The following FGFR1 variants were observed in gnomAD, a reference collection of about 807,000 sequenced individuals.
The protein encoded by FGFR1 is fibroblast growth factor receptor 1, also known as FGFR1/PLAG1 fusion.
FGFR1 carries 18 observed loss-of-function variants against 93.7 expected under a neutral mutation model. That is an observed-to-expected ratio of 0.19 (90% CI 0.13 to 0.28). FGFR1 has a LOEUF of 0.28. Among genes scored for constraint, FGFR1 ranks in the 10% least tolerant of loss-of-function variants. The probability of loss-of-function intolerance (pLI) is 1.00; values close to 1 mark genes in which losing one functional copy is unlikely to be tolerated. For missense variants in FGFR1, 731 were observed against 1,080.4 expected, an observed-to-expected ratio of 0.68 and a Z score of 4.53; for synonymous variants, 448 against 429.3, an observed-to-expected ratio of 1.04 and a Z score of -0.54.
At chr8:38,422,418 T>C in intron 7 of FGFR1, 1 of 355,560 alleles carries the variant, frequency 2.8e-6, no homozygotes, top group Non-Finnish European at 5.2e-6. Flanking sequence ...TCTCTCTCTT[T>C]TTTAAGAGAT....
intron 16 of FGFR1, 56 bp from the exon 17 acceptor site, chr8:38,414,079 T>A (rs2150526656): frequency 1.9e-6 from 3 of 1,613,806 alleles, no homozygotes; most frequent in Non-Finnish European, 2.5e-6. Context: ...CTCTCTAGTC[T>A]AGCCCCCTGC....
chr8:38,464,486 C>T (rs1835104417), intron 1 of FGFR1, among the ~76,000 whole-genome samples: 1 of 152,068 alleles, frequency 6.6e-6, no homozygotes, highest in African/African-American at 2.4e-5. Context: ...AACATGGTTT[C>T]TTTCATTGCA....
In FGFR1 at chr8:38,417,623, A is replaced by T. The variant is rs931477820; in HGVS notation, c.1553-207T>A. On this transcript the variant is annotated intron_variant, in intron 11 of 17. Coordinates refer to ENST00000447712, the MANE Select transcript of FGFR1 (RefSeq NM_023110.3). ...GAGTGGGCAGGGATGTGGTGAGGAA[A>T]GCCTGCAAGCGATGGATCCAGGATA... 1.5e-5 allele frequency: 11 copies of T among 715,090 alleles called. No individual in the cohort carries two copies. The East Asian group carries it at 1.9e-4, about 12-fold the overall frequency. 44.3% of individuals were successfully genotyped at this position (715,090 alleles called of 1,614,324 possible). A position where few individuals can be genotyped will look rare whatever the true frequency, so the allele number is the denominator to read the frequency against.
chr8:38,448,288 T>C (rs1829994560), intron 2 of FGFR1, among the ~76,000 whole-genome samples: 2 of 152,076 alleles, frequency 1.3e-5, no homozygotes, highest in African/African-American at 2.4e-5. Flanking sequence ...ATTTTTTTTT[T>C]TTTTTTTTTG....
chr8:38,439,673 C>T (rs573746066), intron 2 of FGFR1, among the ~76,000 whole-genome samples: 2 of 152,286 alleles, frequency 1.3e-5, no homozygotes, highest in South Asian at 2.1e-4. Context: ...AGCCAATATC[C>T]TCACTGCTCC....
chr8:38,456,996 GCAC>G (rs1458093758), intron 2 of FGFR1, among the ~76,000 whole-genome samples: 1 of 152,104 alleles, frequency 6.6e-6, no homozygotes, highest in Non-Finnish European at 1.5e-5. Context: ...TCTCCCCATT[GCAC>G]CACCAGCTGC....
At position 38,415,989 on chromosome 8, in the gene FGFR1, G is replaced by A. The variant is rs1054035612; in HGVS notation, c.1735C>T (p.Pro579Ser). ...GGGTTGTAGCAGTATTCCAGCCCTG[G>A]GGGCCTCCGGGCCTGCAGGTACTCC... is the stretch of plus-strand genomic sequence containing the variant. ...LREYLQARRP[P>S]GLEYCYNPSH... is the part of the protein sequence containing the mutation. Residue 579 changes from proline to serine, a missense_variant, in exon 13 of 18, where the codon CCA becomes TCA. Around this residue, in one of 10 missense-constraint regions of FGFR1, gnomAD observed 39 missense variants for 39.2 expected, o/e 1.00. Transcript: ENST00000447712. 6.2e-7 allele frequency: 1 copy of A among 1,613,964 alleles called. No homozygotes were observed. Among genetic ancestry groups the A allele is most frequent in the East Asian group, 2.2e-5 (1 of 44,868 alleles).
At chr8:38,465,824 A>G (rs1383229271) in intron 1 of FGFR1, 3 of 219,402 alleles carry the variant, frequency 1.4e-5, no homozygotes, top group South Asian at 1.8e-4. Context: ...TCAAGGCTAG[A>G]TAGTATTCCA....
intron 2 of FGFR1, among the ~76,000 whole-genome samples, chr8:38,454,428 TC>T (rs1019546185): frequency 1.8e-4 from 27 of 152,216 alleles, no homozygotes; most frequent in African/African-American, 6.3e-4. Context: ...AAATCTAAAC[TC>T]CCCTCAAACC....
Position 38,440,444 on chromosome 8 carries a change from G to C in FGFR1, c.92-10496C>G. On this transcript the variant is annotated intron_variant, in intron 2 of 17. Coordinates refer to ENST00000447712, the MANE Select transcript of FGFR1 (RefSeq NM_023110.3). ...AACTCTCGGAGTCCCCAAATAGAAG[G>C]AGAGCTGCAAAAATGGGGGGCACAG... is the stretch of plus-strand genomic sequence containing the variant. 3.8e-6 allele frequency: 5 copies of C among 1,313,642 alleles called. No individual in the cohort carries two copies. The South Asian group carries it at 7.3e-5, about 19-fold the overall frequency. 81.4% of individuals were successfully genotyped at this position (1,313,642 alleles called of 1,614,324 possible). A position where few individuals can be genotyped will look rare whatever the true frequency, so the allele number is the denominator to read the frequency against.
At chr8:38,461,106 TC>T in intron 1 of FGFR1, 1 of 1,536,092 alleles carries the variant, frequency 6.5e-7, no homozygotes, top group Non-Finnish European at 8.7e-7. Context: ...CTTGCCTCCA[TC>T]ACAGGTGGTT....
chr8:38,415,020 G>C, intron 13 of FGFR1, 119 bp from the exon 14 acceptor site: 1 of 766,916 alleles, frequency 1.3e-6, no homozygotes, highest in South Asian at 1.6e-5. Flanking sequence ...ACACTGCTCT[G>C]CCCCCCGAAC....
At chr8:38,457,258 C>G (rs768228012) in intron 2 of FGFR1, 98 bp downstream of exon 2, 17 of 1,353,876 alleles carry the variant, frequency 1.3e-5, no homozygotes, top group African/African-American at 2.9e-5. Context: ...AAGGAGCCTT[C>G]CCTGTTGACC....
At chr8:38,446,472 A>AATC (rs1829334887) in intron 2 of FGFR1, among the ~76,000 whole-genome samples, 1 of 151,052 alleles carries the variant, frequency 6.6e-6, no homozygotes, top group Admixed American at 6.6e-5. Flanking sequence ...TGGCCCCCAA[A>AATC]AGTGCTAGGA....
chr8:38,427,865 C>G (rs1250257264), intron 5 of FGFR1, 56 bp downstream of exon 5: 9 of 1,599,046 alleles, frequency 5.6e-6, no homozygotes, highest in Non-Finnish European at 8.6e-7. Flanking sequence ...TCAGGACTTC[C>G]TAACTCGGCC....
chr8:38,466,941 G>T (rs73674173), intron 1 of FGFR1, among the ~76,000 whole-genome samples: 15 of 151,650 alleles, frequency 9.9e-5, no homozygotes, highest in African/African-American at 3.4e-4. Context: ...GCCTCATAGG[G>T]GGTGTGTGTT....
Position 38,429,589 on chromosome 8 carries a change from G to A in FGFR1, c.358+93C>T, listed in dbSNP as rs2150950573. 7.4e-7 allele frequency: 1 copy of A among 1,348,944 alleles called. No individual in the cohort carries two copies. Among genetic ancestry groups the A allele is most frequent in the South Asian group, 1.3e-5 (1 of 75,286 alleles). The allele number at this position is 1,348,944 out of a possible 1,614,324, so 83.6% of individuals were successfully genotyped here. A position where few individuals can be genotyped will look rare whatever the true frequency, so the allele number is the denominator to read the frequency against. On this transcript the variant is annotated intron_variant, in intron 3 of 17. Transcript: ENST00000447712. The surrounding 1 kb of genome is among the most constrained non-coding windows in gnomAD (Gnocchi z 4.4). ...TGAAGCAGAGTGGGGGCAGATCACG[G>A]AGGGGGAGGAGGTTCACCTTCCTCT...
Position 38,429,460 on chromosome 8 carries a change from T to C in FGFR1, c.358+222A>G. On this transcript the variant is annotated intron_variant, in intron 3 of 17. Transcript: ENST00000447712. This position sits in a 1 kb window ranked among gnomAD's most constrained non-coding sequence, Gnocchi z 4.4. ...TGGCAATCACCTCCGAGGTGTGTCC[T>C]GGAAGCCCCAGATCTCCGGCCCTGG... is the stretch of plus-strand genomic sequence containing the variant. The C allele has an allele frequency of 4.3e-6, 3 of 703,852 alleles. No individual in the cohort carries two copies. Among genetic ancestry groups the C allele is most frequent in the East Asian group, 2.7e-5 (1 of 37,086 alleles). 43.6% of individuals were successfully genotyped at this position (703,852 alleles called of 1,614,324 possible).
At chr8:38,430,061 T>A in intron 2 of FGFR1, 113 bp from the exon 3 acceptor site, 1 of 1,082,888 alleles carries the variant, frequency 9.2e-7, no homozygotes, top group Non-Finnish European at 1.3e-6. Flanking sequence ...AGCCGCACCA[T>A]CCTGGGCATC....
Sources: gnomAD v4.1 joint callset for allele counts (sites outside exome capture counted in the v4.1 genomes callset) on GRCh38, gnomAD v4.1.1 for gene constraint, gnomAD v4.1.1 regional missense constraint, Gnocchi (gnomAD v3.1) non-coding constraint, MANE v1.5 for transcripts, NCBI Gene and HGNC (gene_info 2026-07-23, HGNC 2026-07-21) for gene names.